Variants in GPC3 observed in about 807,000 individuals in gnomAD.
The protein encoded by GPC3 is glypican 3.
GPC3 carries 3 observed loss-of-function variants against 34.4 expected under a neutral mutation model. That is an observed-to-expected ratio of 0.09 (90% confidence interval 0.04 to 0.23). The LOEUF is 0.23. Among genes scored for constraint, GPC3 ranks in the 10% least tolerant of loss-of-function variants. The pLI is 1.00. For synonymous variants in GPC3, 177 were observed against 174.0 expected (o/e 1.02, Z -0.13); for missense variants, 351 against 445.6 (o/e 0.79, Z 1.91).
At chrX:133,662,438 G>A (rs944444971) in intron 5 of GPC3, among the ~76,000 whole-genome samples, 1 of 112,025 alleles carries the variant, frequency 8.9e-6, no homozygotes, top group Non-Finnish European at 1.9e-5. Context: ...GAGAACACCA[G>A]CCCAAGGGAA....
chrX:133,984,803 C>T (rs2076558420), intron 1 of GPC3, among the ~76,000 whole-genome samples: 1 of 107,405 alleles, frequency 9.3e-6, no homozygotes, highest in Non-Finnish European at 1.9e-5. Flanking sequence ...GCTTAGGAAA[C>T]CCAGGCTGGG....
rs138263436 is a variant in GPC3, at chrX:133,550,312, G to T, written c.1574-14019C>A. Among the ~76,000 whole-genome samples the T allele has an allele frequency of 3.9e-3, 436 of 110,921 alleles. 4 individuals carry two copies. Among genetic ancestry groups the T allele is most frequent in the African/African-American group, 0.013 (390 of 30,489 alleles). Reference sequence around the variant, plus strand: ...TTACAGGAGTGAGCCACTGTGACCGGCCCCACAATTGTATCTTTCAAGCCT... The same window carrying T: ...TTACAGGAGTGAGCCACTGTGACCGTCCCCACAATTGTATCTTTCAAGCCT... On this transcript the variant is annotated intron_variant, in intron 7 of 7. Transcript: ENST00000370818.
intron 2 of GPC3, among the ~76,000 whole-genome samples, chrX:133,851,609 C>G (rs190935857): frequency 7.1e-5 from 8 of 112,097 alleles, no homozygotes; most frequent in Non-Finnish European, 1.3e-4. Flanking sequence ...TCTACTGATT[C>G]ATTTCCAATG....
intron 2 of GPC3, among the ~76,000 whole-genome samples, chrX:133,766,462 T>C (rs751826206): frequency 3.5e-4 from 39 of 112,282 alleles, no homozygotes; most frequent in Admixed American, 3.4e-3. Flanking sequence ...AAAGTATTAA[T>C]CTATTTTGTT....
intron 7 of GPC3, among the ~76,000 whole-genome samples, chrX:133,582,683 A>G (rs1372542156): frequency 9.0e-6 from 1 of 111,416 alleles, no homozygotes; most frequent in South Asian, 3.8e-4. Flanking sequence ...GTCTACAAAG[A>G]TATTGGTCCA....
At chrX:133,828,879 T>C (rs1356782083) in intron 2 of GPC3, among the ~76,000 whole-genome samples, 1 of 111,892 alleles carries the variant, frequency 8.9e-6, no homozygotes, top group Non-Finnish European at 1.9e-5. Flanking sequence ...GATGAGGTGA[T>C]AGATATGTTA....
At chrX:133,814,331 C>T (rs965020614) in intron 2 of GPC3, among the ~76,000 whole-genome samples, 3 of 110,966 alleles carry the variant, frequency 2.7e-5, no homozygotes, top group South Asian at 4.0e-4. Context: ...ACATACTTTG[C>T]GGGGCTCCTT....
intron 6 of GPC3, among the ~76,000 whole-genome samples, chrX:133,620,213 C>T (rs1391697045): frequency 2.8e-5 from 2 of 72,401 alleles, no homozygotes; most frequent in African/African-American, 1.6e-4. Context: ...GAGCAAGACT[C>T]TGTCTCAAAA....
chrX:133,736,657 T>A (rs1376758559), intron 3 of GPC3, among the ~76,000 whole-genome samples: 1 of 112,184 alleles, frequency 8.9e-6, no homozygotes, highest in Non-Finnish European at 1.9e-5. Context: ...ATGTAAAATG[T>A]TCAGAACAGA....
At chrX:133,853,071 A>C (rs5975432) in intron 2 of GPC3, among the ~76,000 whole-genome samples, 3,633 of 108,848 alleles carry the variant, frequency 0.033, 61 homozygotes, top group African/African-American at 0.058. Context: ...TTAGAAAGAC[A>C]CAAGGAAAAA....
intron 7 of GPC3, among the ~76,000 whole-genome samples, chrX:133,559,476 G>T (rs774895487): frequency 1.8e-5 from 2 of 111,525 alleles, no homozygotes; most frequent in South Asian, 7.7e-4. Flanking sequence ...TTGTGGGGAA[G>T]ATGGGGCAAG....
At chrX:133,690,293 T>C (rs1229946282) in intron 5 of GPC3, among the ~76,000 whole-genome samples, 2 of 111,451 alleles carry the variant, frequency 1.8e-5, no homozygotes, top group East Asian at 2.8e-4. Context: ...GGGGGAAAAA[T>C]AGAGAAGTAA....
At chrX:133,613,680 A>G (rs2070133136) in intron 6 of GPC3, among the ~76,000 whole-genome samples, 1 of 112,310 alleles carries the variant, frequency 8.9e-6, no homozygotes, top group Admixed American at 9.4e-5. Context: ...TTACTTCCTC[A>G]TGAACAAATG....
At chrX:133,879,879 A>G (rs1214718857) in intron 2 of GPC3, among the ~76,000 whole-genome samples, 1 of 111,851 alleles carries the variant, frequency 8.9e-6, no homozygotes, top group Non-Finnish European at 1.9e-5. Context: ...ACCTTGCTTC[A>G]CTGAAAGGCT....
At chrX:133,962,546 G>A (rs1169997851) in intron 1 of GPC3, among the ~76,000 whole-genome samples, 1 of 111,418 alleles carries the variant, frequency 9.0e-6, no homozygotes, top group Non-Finnish European at 1.9e-5. Context: ...TTAGATGAGG[G>A]GAAACACCCT....
chrX:133,791,602 C>T (rs2072160516), intron 2 of GPC3, among the ~76,000 whole-genome samples: 1 of 110,815 alleles, frequency 9.0e-6, no homozygotes, highest in South Asian at 3.9e-4. Context: ...TCTAGTCCTA[C>T]TTCTACTATC....
chrX:133,584,010 A>G (rs924452476), intron 7 of GPC3, among the ~76,000 whole-genome samples: 3 of 111,349 alleles, frequency 2.7e-5, no homozygotes, highest in African/African-American at 6.5e-5. Flanking sequence ...CAAACACCCT[A>G]TGTTTCACAT....
chrX:133,587,417 A>C (rs778782332), intron 7 of GPC3, among the ~76,000 whole-genome samples: 1 of 112,111 alleles, frequency 8.9e-6, no homozygotes, highest in South Asian at 3.7e-4. Flanking sequence ...GGGGGTGCAG[A>C]TGTCTCTTCA....
intron 2 of GPC3, among the ~76,000 whole-genome samples, chrX:133,808,580 G>A (rs1464796363): frequency 9.0e-6 from 1 of 111,271 alleles, no homozygotes; most frequent in African/African-American, 3.3e-5. Context: ...GAAGCAGTAT[G>A]GTGTCATGGA....
Sources: gnomAD v4.1 joint callset for allele counts (sites outside exome capture counted in the v4.1 genomes callset) on GRCh38, gnomAD v4.1.1 for gene constraint, MANE v1.5 for transcripts, NCBI Gene and HGNC (gene_info 2026-07-23, HGNC 2026-07-21) for gene names.